Variants in ZNF90 observed in about 807,000 individuals in gnomAD.
ZNF90 encodes zinc finger protein HTF9.
A neutral mutation model predicts 12.0 loss-of-function variants in ZNF90; 11 were observed. The ratio of observed to expected loss-of-function variants is 0.92; its 90% confidence interval spans 0.58 to 1.52. The LOEUF is 1.52. Among genes scored for constraint, ZNF90 ranks in the 40% most tolerant of loss-of-function variants. The pLI is 0.00. For synonymous variants in ZNF90, 232 were observed against 240.1 expected, an observed-to-expected ratio of 0.97 and a Z score of 0.31; for missense variants, 765 against 711.5, an observed-to-expected ratio of 1.08 and a Z score of -0.86.
intron 1 of ZNF90, among the ~76,000 whole-genome samples, chr19:20,091,338 A>C (rs912467040): frequency 2.0e-5 from 3 of 152,174 alleles, no homozygotes; most frequent in Non-Finnish European, 4.4e-5. Flanking sequence ...CATGATGGAA[A>C]GGAAATGAGA....
At chr19:20,107,183 G>A in intron 3 of ZNF90, 1 of 361,342 alleles carries the variant, frequency 2.8e-6, no homozygotes, top group South Asian at 2.1e-5. Flanking sequence ...CCCCAGTAAA[G>A]GCCAATGTCT....
intron 3 of ZNF90, among the ~76,000 whole-genome samples, chr19:20,114,214 C>A (rs1555705440): frequency 6.6e-6 from 1 of 152,122 alleles, no homozygotes; most frequent in African/African-American, 2.4e-5. Context: ...TTGGTTAAAC[C>A]CGGGAAGTGG....
chr19:20,112,293 G>A (rs1380372062), intron 3 of ZNF90, among the ~76,000 whole-genome samples: 1 of 151,060 alleles, frequency 6.6e-6, no homozygotes, highest in Non-Finnish European at 1.5e-5. Flanking sequence ...GCAGTGAAGG[G>A]CAGTGGGCAC....
intron 3 of ZNF90, chr19:20,107,037 G>A (rs1287789897): frequency 4.4e-6 from 2 of 454,278 alleles, no homozygotes; most frequent in Non-Finnish European, 8.8e-6. Context: ...CTTGTATCAG[G>A]ATGTGGATGA....
At chr19:20,114,815 CCT>C (rs1308425500) in intron 3 of ZNF90, among the ~76,000 whole-genome samples, 2 of 150,820 alleles carry the variant, frequency 1.3e-5, no homozygotes, top group Non-Finnish European at 2.9e-5. Flanking sequence ...CTTCTAGTCC[CCT>C]GTTCCCTTAC....
intron 1 of ZNF90, among the ~76,000 whole-genome samples, chr19:20,090,498 G>A (rs1568284012): frequency 2.6e-5 from 4 of 152,270 alleles, no homozygotes; most frequent in East Asian, 1.9e-4. Context: ...AACCCAGTGG[G>A]GAGGATCCTG....
chr19:20,113,122 C>G (rs556461014), intron 3 of ZNF90, among the ~76,000 whole-genome samples: 1 of 151,840 alleles, frequency 6.6e-6, no homozygotes. Context: ...AATATTATCC[C>G]TGTAGTTTTG....
In ZNF90 at chr19:20,119,914, A is replaced by T. The variant is rs2122536450; in HGVS notation, c.*554A>T. On this transcript the variant is annotated 3_prime_UTR_variant, in exon 4 of 4. Transcript: ENST00000418063. The stretch of plus-strand genomic sequence containing the variant: ...TTCTCAGTTCTTAAGAGACATGGTG[A>T]TAATTCATGCTGAAGAGGAACTTTA... Among the ~76,000 whole-genome samples, 1 of 152,346 alleles carries T rather than the reference A, an allele frequency of 6.6e-6. No homozygotes were observed. Among genetic ancestry groups the T allele is most frequent in the South Asian group, 2.1e-4 (1 of 4,830 alleles).
chr19:20,119,426 G>A lies in ZNF90; in HGVS notation c.*66G>A, dbSNP rs1470287666. ...TGGAGAGAAACCGTATAAATGTGAT[G>A]ACTGTTGGAAAGCCTTTGACCACCC... On this transcript the variant is annotated 3_prime_UTR_variant, in exon 4 of 4. Coordinates refer to ENST00000418063, the MANE Select transcript of ZNF90 (RefSeq NM_007138.2). 3.5e-6 allele frequency: 5 copies of A among 1,427,100 alleles called. No individual in the cohort carries two copies. Among genetic ancestry groups the A allele is most frequent in the Admixed American group, 2.4e-5 (1 of 41,874 alleles). 88.4% of individuals were successfully genotyped at this position (1,427,100 alleles called of 1,614,324 possible).
intron 1 of ZNF90, among the ~76,000 whole-genome samples, chr19:20,094,653 G>A (rs1017084074): frequency 5.3e-5 from 8 of 152,098 alleles, no homozygotes; most frequent in Admixed American, 1.3e-4. Flanking sequence ...TGAAGCCGGC[G>A]GTTATCAGCA....
chr19:20,117,397 C>CTCCTTCCTTCCGTCCT (rs2089148465), intron 3 of ZNF90, among the ~76,000 whole-genome samples: 1 of 91,346 alleles, frequency 1.1e-5, no homozygotes, highest in Non-Finnish European at 1.9e-5. Flanking sequence ...CTTTTCTTTT[C>CTCCTTCCTTCCGTCCT]TCCTTCCTTC....
At chr19:20,103,308 A>G (rs2089005022) in intron 1 of ZNF90, among the ~76,000 whole-genome samples, 1 of 152,204 alleles carries the variant, frequency 6.6e-6, no homozygotes, top group South Asian at 2.1e-4. Context: ...TGGGAATAGG[A>G]GCCTAGGAGG....
rs782269125 is a variant in ZNF90, at chr19:20,118,051, G to A, written c.497G>A (p.Arg166Lys). 58 of 1,612,076 alleles carry A rather than the reference G, an allele frequency of 3.6e-5. No homozygotes were observed. Among genetic ancestry groups the A allele is most frequent in the East Asian group, 1.3e-4 (6 of 44,822 alleles). ...TCAAATTCAAACAGACATAAGATAA[G>A]AGATACTGGAAAAAAACCTTTCAAA... ...IFSNSNRHKI[R>K]DTGKKPFKCI... is the part of the protein sequence containing the mutation. Residue 166 changes from arginine to lysine, a missense_variant, in exon 4 of 4, where the codon AGA becomes AAA. Coordinates refer to ENST00000418063, the MANE Select transcript of ZNF90 (RefSeq NM_007138.2).
Position 20,078,264 on chromosome 19 carries a change from G to A in ZNF90, c.3+129G>A. 5 of 1,269,064 alleles carry A rather than the reference G, an allele frequency of 3.9e-6. No homozygotes were observed. In the Middle Eastern group the frequency reaches 5.7e-4, roughly 144 times the overall value. The allele number at this position is 1,269,064 out of a possible 1,614,324, so 78.6% of individuals were successfully genotyped here. On this transcript the variant is annotated intron_variant, in intron 1 of 3. Transcript: ENST00000418063. ...TCTGCGACCGACTTCTCCTTGCCCA[G>A]TTCGGCCTCAGTCCCCTTCAGCCAT... is the stretch of plus-strand genomic sequence containing the variant.
chr19:20,096,000 C>A (rs547498005), intron 1 of ZNF90, among the ~76,000 whole-genome samples: 1 of 152,280 alleles, frequency 6.6e-6, no homozygotes, highest in African/African-American at 2.4e-5. Context: ...GGCTGCCTTC[C>A]CAGTCCGTGA....
In ZNF90 at chr19:20,106,044, C is replaced by CATTTTTTTTTTTTTTT. The variant is rs1555704366; in HGVS notation, c.226+728_226+729insATTTTTTTTTTTTTTT. 1.7e-4 allele frequency among the ~76,000 whole-genome samples: 12 copies of CATTTTTTTTTTTTTTT among 71,056 alleles called. 2 individuals are homozygous for CATTTTTTTTTTTTTTT. The highest frequency in any genetic ancestry group is 5.3e-4 in the African/African-American group (10 of 18,806). 46.6% of individuals were successfully genotyped at this position (71,056 alleles called of 152,430 possible). A position where few individuals can be genotyped will look rare whatever the true frequency, so the allele number is the denominator to read the frequency against. ...TTATTTGGAACTTCTCTAATTTTTT[C>CATTTTTTTTTTTTTTT]TTTTTTTTTTTTTTTTTTTTTTTGG... On this transcript the variant is annotated intron_variant, in intron 3 of 3. Coordinates refer to ENST00000418063, the MANE Select transcript of ZNF90 (RefSeq NM_007138.2).
rs192128472 is a variant in ZNF90, at chr19:20,112,655, C to T, written c.227-5126C>T. ...TACATCTTGTAGGACTGCGCAAATGCTGATGAACCCTCTTAACTTTTATTT... is the reference window on the plus strand; with the variant it reads ...TACATCTTGTAGGACTGCGCAAATGTTGATGAACCCTCTTAACTTTTATTT... On this transcript the variant is annotated intron_variant, in intron 3 of 3. Coordinates refer to ENST00000418063, the MANE Select transcript of ZNF90 (RefSeq NM_007138.2). Among the ~76,000 whole-genome samples the T allele has an allele frequency of 1.1e-3, 165 of 152,260 alleles. 1 individual carries two copies. The highest frequency in any genetic ancestry group is 3.7e-3 in the African/African-American group (155 of 41,542).
chr19:20,085,443 G>T lies in ZNF90; in HGVS notation c.3+7308G>T, dbSNP rs2088852141. ...CCCGGCTAATTTTTTTGTATTTTTA[G>T]TAGAGATGGGGTTTCACCGGGCTAG... On this transcript the variant is annotated intron_variant, in intron 1 of 3. Transcript: ENST00000418063. 2.6e-5 allele frequency among the ~76,000 whole-genome samples: 4 copies of T among 151,852 alleles called. No homozygotes were observed. In the East Asian group the frequency reaches 7.8e-4, roughly 29 times the overall value.
intron 1 of ZNF90, among the ~76,000 whole-genome samples, chr19:20,095,125 G>A (rs1047652431): frequency 6.6e-6 from 1 of 152,052 alleles, no homozygotes; most frequent in Non-Finnish European, 1.5e-5. Flanking sequence ...CGATGCTTGG[G>A]GTTGGGACTG....
Sources: allele counts gnomAD v4.1 joint callset (sites outside exome capture counted in the v4.1 genomes callset), GRCh38; gene constraint gnomAD v4.1.1; transcripts MANE v1.5; gene names NCBI Gene and HGNC (gene_info 2026-07-23, HGNC 2026-07-21).